SEMA4A: variants seen among roughly 807,000 people sequenced by gnomAD.
SEMA4A encodes the protein semaphorin-4A.
Under a neutral mutation model 72.5 loss-of-function variants are expected in SEMA4A, and 52 were observed. The observed-to-expected ratio is 0.72, with a 90% confidence interval of 0.57 to 0.90. The LOEUF (loss-of-function observed/expected upper bound fraction) is 0.90. Ranked by LOEUF, SEMA4A falls within the 40% of genes least tolerant of loss-of-function variation. SEMA4A has a pLI of 0.00. For missense variants in SEMA4A, 926 were observed against 959.7 expected (o/e 0.96, Z 0.46); for synonymous variants, 369 against 393.1 (o/e 0.94, Z 0.73).
At chr1:156,173,093 CTTA>C in intron 11 of SEMA4A, 87 bp downstream of exon 11, 1 of 1,313,150 alleles carries the variant, frequency 7.6e-7, no homozygotes. Context: ...AGTTCATTCA[CTTA>C]TTCATTCAAC....
rs1425280608 is a variant in SEMA4A, at chr1:156,177,357, C to A, written c.*360C>A. 2 of 379,208 alleles carry A rather than the reference C, an allele frequency of 5.3e-6. No individual in the cohort carries two copies. The highest frequency in any genetic ancestry group is 3.9e-5 in the Admixed American group (1 of 25,662). The allele number at this position is 379,208 out of a possible 1,614,324, so 23.5% of individuals were successfully genotyped here. On this transcript the variant is annotated 3_prime_UTR_variant, in exon 15 of 15. Transcript: ENST00000368285. ...CCTAAAAAACCTGCCTGTCCCAGGACCCTATGGTAATGAACACCAAACATC... is the reference window on the plus strand; with the variant it reads ...CCTAAAAAACCTGCCTGTCCCAGGAACCTATGGTAATGAACACCAAACATC...
At chr1:156,173,900 A>G (rs548068622) in intron 11 of SEMA4A, among the ~76,000 whole-genome samples, 2 of 152,260 alleles carry the variant, frequency 1.3e-5, no homozygotes, top group East Asian at 3.9e-4. Context: ...ACCTGAGGTC[A>G]GGAGTTCGAG....
intron 10 of SEMA4A, among the ~76,000 whole-genome samples, chr1:156,163,870 C>T (rs1386734384): frequency 6.6e-6 from 1 of 150,576 alleles, no homozygotes; most frequent in Non-Finnish European, 1.5e-5. Context: ...GACTCTGTCT[C>T]TACCAAAAAA....
chr1:156,154,954 C>T (rs939490542), intron 2 of SEMA4A: 1 of 571,104 alleles, frequency 1.8e-6, no homozygotes, highest in Admixed American at 3.2e-5. Context: ...GCCACGGGGC[C>T]AGGGGCACGC....
chr1:156,161,724 C>T (rs2102962557), intron 9 of SEMA4A: 1 of 580,252 alleles, frequency 1.7e-6, no homozygotes, highest in East Asian at 3.0e-5. Context: ...GAGGTTCTAA[C>T]TAGTTTATAT....
At chr1:156,165,779 T>C (rs771843082) in intron 10 of SEMA4A, among the ~76,000 whole-genome samples, 2 of 152,082 alleles carry the variant, frequency 1.3e-5, no homozygotes, top group Non-Finnish European at 2.9e-5. Context: ...TGAAATTTCA[T>C]GGTGTTGTGC....
At position 156,176,844 on chromosome 1, in the gene SEMA4A, G is replaced by C. The variant is rs1399796060; in HGVS notation, c.2133G>C (p.Arg711=). The change falls in exon 15 of 15, where the codon CGG becomes CGC. Residue 711 remains arginine (R), a synonymous_variant. Coordinates refer to ENST00000368285, the MANE Select transcript of SEMA4A (RefSeq NM_022367.4). ...TGGCCTCCCCATTGAGAGCACTCCGGGCTCGGGGCAAGGTTCAGGGCTGTG... is the reference window on the plus strand; with the variant it reads ...TGGCCTCCCCATTGAGAGCACTCCGCGCTCGGGGCAAGGTTCAGGGCTGTG... ...ILVASPLRAL[R]ARGKVQGCET... 7 of 1,614,228 alleles carry C rather than the reference G, an allele frequency of 4.3e-6. No individual in the cohort carries two copies. The highest frequency in any genetic ancestry group is 5.9e-6 in the Non-Finnish European group (7 of 1,180,030).
At chr1:156,164,819 G>T (rs992693204) in intron 10 of SEMA4A, among the ~76,000 whole-genome samples, 8 of 150,238 alleles carry the variant, frequency 5.3e-5, no homozygotes, top group Non-Finnish European at 8.9e-5. Context: ...TATTTTTTTT[G>T]AAACAGAGTC....
intron 10 of SEMA4A, among the ~76,000 whole-genome samples, chr1:156,163,913 T>A (rs1460987633): frequency 1.3e-5 from 2 of 151,398 alleles, no homozygotes; most frequent in Non-Finnish European, 2.9e-5. Flanking sequence ...GTGCCTGTAA[T>A]CAGCTACTCA....
At chr1:156,161,309 C>CGGGGGGA (rs369357654) in intron 8 of SEMA4A, 37 bp from the exon 9 acceptor site, 2 of 1,302,370 alleles carry the variant, frequency 1.5e-6, no homozygotes, top group Non-Finnish European at 2.1e-6. Context: ...GGGGTCGGGG[C>CGGGGGGA]GCCCGGGGCG....
Position 156,174,896 on chromosome 1 carries a change from C to T in SEMA4A, c.1390C>T (p.Pro464Ser), listed in dbSNP as rs768961578. The change falls in exon 12 of 15, where the codon CCT (proline) becomes TCT (serine). Residue 464 changes from proline to serine, a missense_variant. By Grantham distance (74) the Pro-to-Ser change is moderately conservative (BLOSUM62 -1). Coordinates refer to ENST00000368285, the MANE Select transcript of SEMA4A (RefSeq NM_022367.4). ...TCTGGTGGAAGAGATTCAGCTGTTC[C>T]CTGACCCTGAACCTGTTCGCAACCT... is the stretch of plus-strand genomic sequence containing the variant. ...AHLVEEIQLFPDPEPVRNLQL... is the reference protein window; with the variant it reads ...AHLVEEIQLFSDPEPVRNLQL... 4.3e-6 allele frequency: 7 copies of T among 1,614,172 alleles called. No homozygotes were observed. The highest frequency in any genetic ancestry group is 5.9e-6 in the Non-Finnish European group (7 of 1,180,022).
At chr1:156,158,946 G>A in intron 6 of SEMA4A, 122 bp downstream of exon 6, 2 of 825,570 alleles carry the variant, frequency 2.4e-6, no homozygotes, top group Non-Finnish European at 4.1e-6. Flanking sequence ...GCGTGCATAT[G>A]GTCCCAGTTA....
intron 10 of SEMA4A, among the ~76,000 whole-genome samples, chr1:156,169,228 A>G (rs762073145): frequency 1.6e-4 from 25 of 151,966 alleles, no homozygotes; most frequent in Admixed American, 3.9e-4. Flanking sequence ...CTGCCTTCCA[A>G]ATGTTTTGGG....
At chr1:156,147,906 C>T (rs1317479168), upstream of SEMA4A, among the ~76,000 whole-genome samples, 2 of 152,214 alleles carry the variant, frequency 1.3e-5, no homozygotes, top group South Asian at 2.1e-4. Context: ...CTCACTCCAG[C>T]GAGTTTCTAA....
In SEMA4A at chr1:156,167,367, G is replaced by T. The variant is rs1451805086; in HGVS notation, c.1134+4273G>T. ...TAGCTGGGTGTTGTGCCACGTGCCT[G>T]TAGTCCTAGCTACTTGGAAGGGTGA... is the stretch of plus-strand genomic sequence containing the variant. On this transcript the variant is annotated intron_variant, in intron 10 of 14. Transcript: ENST00000368285. Among the ~76,000 whole-genome samples, 5 of 150,560 alleles carry T rather than the reference G, an allele frequency of 3.3e-5. No homozygotes were observed. In the East Asian group the frequency reaches 1.0e-3, roughly 30 times the overall value.
At position 156,173,680 on chromosome 1, in the gene SEMA4A, G is replaced by A. The variant is rs80129241; in HGVS notation, c.1315+674G>A. On this transcript the variant is annotated intron_variant, in intron 11 of 14. Transcript: ENST00000368285. ...GGGGTGTGACTTGGTGGGTGTGCAG[G>A]CTCAGGGTAGGAAGCCAAGGGAGCT... is the stretch of plus-strand genomic sequence containing the variant. Among the ~76,000 whole-genome samples the A allele has an allele frequency of 2.4e-3, 365 of 152,252 alleles. 12 individuals carry two copies. In the East Asian group the frequency reaches 0.064, roughly 27 times the overall value.
intron 10 of SEMA4A, among the ~76,000 whole-genome samples, chr1:156,169,463 A>G (rs1654498414): frequency 8.3e-6 from 1 of 119,944 alleles, no homozygotes; most frequent in South Asian, 2.5e-4. Flanking sequence ...TCAGTTGCCC[A>G]GGCTGGAGAG....
Position 156,161,333 on chromosome 1 carries a change from C to G in SEMA4A, c.811-13C>G. 1 of 1,513,062 alleles carries G rather than the reference C, an allele frequency of 6.6e-7. No individual in the cohort carries two copies. The highest frequency in any genetic ancestry group is 9.0e-7 in the Non-Finnish European group (1 of 1,106,476). 93.7% of individuals were successfully genotyped at this position (1,513,062 alleles called of 1,614,324 possible). ...GCGCCCGGGGCGCCCCCTGACTCCC[C>G]CTGTGCCCCCAGAATGACGTGGGCG... On this transcript the variant is annotated splice_polypyrimidine_tract_variant and intron_variant, in intron 8 of 14. Transcript: ENST00000368285.
rs1346178647 is a variant in SEMA4A, at chr1:156,160,925, G to GCCAT, written c.709_712dup (p.Pro238HisfsTer19). ...CGCAGATGACGCCTCCTTTGTGGCAGCCATCCCTTCGACCCAGGTCGTCTA... is the reference window on the plus strand; with the variant it reads ...CGCAGATGACGCCTCCTTTGTGGCAGCCATCCATCCCTTCGACCCAGGTCGTCTA... On this transcript the variant is annotated frameshift_variant, in exon 8 of 15. Transcript: ENST00000368285. LOFTEE classifies it high-confidence loss of function. 1.2e-6 allele frequency: 2 copies of GCCAT among 1,613,568 alleles called. No homozygotes were observed. The highest frequency in any genetic ancestry group is 2.7e-5 in the African/African-American group (2 of 74,778).
Sources: allele counts gnomAD v4.1 joint callset (sites outside exome capture counted in the v4.1 genomes callset), GRCh38; gene constraint gnomAD v4.1.1; transcripts MANE v1.5; gene names NCBI Gene and HGNC (gene_info 2026-07-23, HGNC 2026-07-21).